Variants in KCNIP1 observed in about 807,000 individuals in gnomAD.
KCNIP1 encodes A-type potassium channel modulatory protein KCNIP1.
In KCNIP1, 18 loss-of-function variants were observed where a neutral mutation model predicts 33.0. The observed-to-expected ratio is 0.55, with a 90% CI of 0.38 to 0.81. The LOEUF (loss-of-function observed/expected upper bound fraction) is 0.81, where lower values mean the gene tolerates loss of function less well. Among genes scored for constraint, KCNIP1 ranks in the 30% least tolerant of loss-of-function variants. The pLI, the probability that KCNIP1 is intolerant of heterozygous loss-of-function variation, is 0.00. For missense variants in KCNIP1, 238 were observed against 271.6 expected (o/e 0.88, Z 0.87); for synonymous variants, 93 against 98.3 (o/e 0.95, Z 0.32).
At chr5:170,377,480 G>T (rs1197189433) in intron 1 of KCNIP1, 1 of 152,174 alleles carries the variant, frequency 6.6e-6, no homozygotes, top group East Asian at 1.9e-4. Flanking sequence ...GGCTTCCCCA[G>T]CAGGCTCAGT....
chr5:170,530,177 C>G (rs951934285), intron 1 of KCNIP1, among the ~76,000 whole-genome samples: 1 of 151,724 alleles, frequency 6.6e-6, no homozygotes, highest in African/African-American at 2.4e-5. Context: ...GCTCATGGCT[C>G]ATAACATGTT....
At chr5:170,438,726 G>C (rs776838338) in intron 1 of KCNIP1, among the ~76,000 whole-genome samples, 1 of 152,108 alleles carries the variant, frequency 6.6e-6, no homozygotes, top group African/African-American at 2.4e-5. Context: ...CCATTGCACA[G>C]CCTGCTCCCT....
chr5:170,589,061 C>T (rs1337817914), intron 1 of KCNIP1, among the ~76,000 whole-genome samples: 6 of 146,692 alleles, frequency 4.1e-5, no homozygotes, highest in African/African-American at 7.6e-5. Flanking sequence ...TGCAGTGGCG[C>T]GATCTCGGCT....
At chr5:170,416,571 G>A (rs1255038284) in intron 1 of KCNIP1, among the ~76,000 whole-genome samples, 1 of 152,078 alleles carries the variant, frequency 6.6e-6, no homozygotes, top group Non-Finnish European at 1.5e-5. Context: ...GGTCTTTGAC[G>A]AAAAAGCTAC....
At chr5:170,731,346 C>T (rs1471249341) in intron 5 of KCNIP1, among the ~76,000 whole-genome samples, 3 of 152,152 alleles carry the variant, frequency 2.0e-5, no homozygotes, top group African/African-American at 7.2e-5. Flanking sequence ...AATTGAGAGA[C>T]ATTCTACAAA....
At chr5:170,688,015 T>C (rs1762599498) in intron 1 of KCNIP1, among the ~76,000 whole-genome samples, 1 of 73,184 alleles carries the variant, frequency 1.4e-5, no homozygotes, top group Non-Finnish European at 2.2e-5. Flanking sequence ...GAAATATGAC[T>C]GTATTATAAT....
chr5:170,658,531 C>T (rs1761357663), intron 1 of KCNIP1, among the ~76,000 whole-genome samples: 1 of 152,170 alleles, frequency 6.6e-6, no homozygotes, highest in African/African-American at 2.4e-5. Context: ...AACTATAGCT[C>T]ACAGAGATCG....
intron 1 of KCNIP1, among the ~76,000 whole-genome samples, chr5:170,430,142 G>A (rs1755708180): frequency 6.6e-6 from 1 of 152,218 alleles, no homozygotes; most frequent in African/African-American, 2.4e-5. Flanking sequence ...AAAATCAGGT[G>A]ACAGGAATCA....
intron 1 of KCNIP1, among the ~76,000 whole-genome samples, chr5:170,404,340 T>G (rs1754980937): frequency 6.6e-6 from 1 of 152,224 alleles, no homozygotes; most frequent in Non-Finnish European, 1.5e-5. Flanking sequence ...AAATGGTTTT[T>G]CTGTACATAG....
chr5:170,669,978 C>G (rs1761851911), intron 1 of KCNIP1, among the ~76,000 whole-genome samples: 1 of 151,972 alleles, frequency 6.6e-6, no homozygotes. Flanking sequence ...AATAATGGAC[C>G]AATTAAACCA....
At chr5:170,558,763 C>G (rs912666478) in intron 1 of KCNIP1, among the ~76,000 whole-genome samples, 1 of 152,184 alleles carries the variant, frequency 6.6e-6, no homozygotes, top group Non-Finnish European at 1.5e-5. Context: ...AAAGCACAAA[C>G]AGAAATCCTT....
intron 1 of KCNIP1, among the ~76,000 whole-genome samples, chr5:170,458,274 C>T (rs567206123): frequency 3.9e-5 from 6 of 152,126 alleles, no homozygotes; most frequent in Admixed American, 6.5e-5. Flanking sequence ...AAAACATATT[C>T]GGGGGAATAA....
At chr5:170,653,778 C>T (rs1428429523) in intron 1 of KCNIP1, among the ~76,000 whole-genome samples, 1 of 151,856 alleles carries the variant, frequency 6.6e-6, no homozygotes, top group Non-Finnish European at 1.5e-5. Flanking sequence ...CCAGTAACTC[C>T]AGGTGTATAA....
chr5:170,392,973 TACATAC>T (rs756609287), intron 1 of KCNIP1, among the ~76,000 whole-genome samples: 9 of 152,330 alleles, frequency 5.9e-5, no homozygotes, highest in Middle Eastern at 3.4e-3. Context: ...AGATATGCAA[TACATAC>T]ACATACACAT....
chr5:170,635,400 T>C lies in KCNIP1; in HGVS notation c.62-83358T>C, dbSNP rs115267102. 4.6e-3 allele frequency among the ~76,000 whole-genome samples: 700 copies of C among 152,310 alleles called. 5 individuals are homozygous for C. Among genetic ancestry groups the C allele is most frequent in the African/African-American group, 0.016 (684 of 41,564 alleles). On this transcript the variant is annotated intron_variant, in intron 1 of 7. Coordinates refer to ENST00000328939, the MANE Select transcript of KCNIP1 (RefSeq NM_014592.4). ...TGAATCTCTTTGTTATCTTACATGTTACCCCCTCAGAGATGCCTTCCCTCA... is the reference window on the plus strand; with the variant it reads ...TGAATCTCTTTGTTATCTTACATGTCACCCCCTCAGAGATGCCTTCCCTCA...
chr5:170,474,882 A>AC (rs541283849), intron 1 of KCNIP1, among the ~76,000 whole-genome samples: 5 of 149,992 alleles, frequency 3.3e-5, no homozygotes, highest in East Asian at 3.9e-4. Context: ...AACAGAACAA[A>AC]CCCCCCACCG....
intron 1 of KCNIP1, among the ~76,000 whole-genome samples, chr5:170,439,279 T>C (rs1755933795): frequency 6.6e-6 from 1 of 152,168 alleles, no homozygotes; most frequent in South Asian, 2.1e-4. Context: ...CCTGACCCCA[T>C]GCCACCAGAT....
intron 1 of KCNIP1, among the ~76,000 whole-genome samples, chr5:170,457,333 A>T (rs1756406390): frequency 6.6e-6 from 1 of 152,238 alleles, no homozygotes; most frequent in African/African-American, 2.4e-5. Flanking sequence ...CACCACCACC[A>T]CATGTCAGGA....
intron 1 of KCNIP1, among the ~76,000 whole-genome samples, chr5:170,470,698 C>T (rs1013959557): frequency 2.0e-5 from 3 of 152,110 alleles, no homozygotes; most frequent in South Asian, 2.1e-4. Flanking sequence ...CATCTTGAAG[C>T]GGAAGTTTGG....
Sources: allele counts gnomAD v4.1 joint callset (sites outside exome capture counted in the v4.1 genomes callset), GRCh38; gene constraint gnomAD v4.1.1; transcripts MANE v1.5; gene names NCBI Gene and HGNC (gene_info 2026-07-23, HGNC 2026-07-21).